The following AK4 variants were observed in gnomAD, a reference collection of about 807,000 sequenced individuals.
The protein encoded by AK4 is adenylate kinase 4, mitochondrial.
In AK4, 13 loss-of-function variants were observed where a neutral mutation model predicts 24.6. The ratio of observed to expected loss-of-function variants is 0.53; its 90% CI spans 0.34 to 0.84. The LOEUF is 0.84. Among genes scored for constraint, AK4 ranks in the 40% least tolerant of loss-of-function variants. The pLI is 0.01. For missense variants in AK4, 192 were observed against 288.2 expected (o/e 0.67, Z 2.42); for synonymous variants, 88 against 107.0 (o/e 0.82, Z 1.10).
At chr1:65,170,398 A>G (rs115733679) in intron 1 of AK4, among the ~76,000 whole-genome samples, 1,561 of 152,208 alleles carry the variant, frequency 0.01, 22 homozygotes, top group African/African-American at 0.036. Context: ...AAAAAAAATC[A>G]GTTTTAAGGT....
intron 2 of AK4, among the ~76,000 whole-genome samples, chr1:65,196,830 A>G (rs2101049905): frequency 6.6e-6 from 1 of 152,206 alleles, no homozygotes; most frequent in African/African-American, 2.4e-5. Flanking sequence ...ATAAAGACAT[A>G]CCCGAGACTG....
chr1:65,171,206 T>G (rs1383789291), intron 1 of AK4, among the ~76,000 whole-genome samples: 1 of 148,964 alleles, frequency 6.7e-6, no homozygotes, highest in Non-Finnish European at 1.5e-5. Flanking sequence ...AGCAATCTGC[T>G]TGCCTCAACC....
chr1:65,227,463 A>G lies in AK4; in HGVS notation c.*1286A>G, dbSNP rs1652501330. The G allele has an allele frequency of 6.6e-6, 1 of 152,416 alleles. No homozygotes were observed. Among genetic ancestry groups the G allele is most frequent in the South Asian group, 2.1e-4 (1 of 4,822 alleles). The allele number at this position is 152,416 out of a possible 1,614,324, so 9.4% of individuals were successfully genotyped here. A position where few individuals can be genotyped will look rare whatever the true frequency, so the allele number is the denominator to read the frequency against. Reference sequence around the variant, plus strand: ...ATTAGATACTAATATTTTGTCATTCATTATAACATATCAATAAACCATTTG... The same window carrying G: ...ATTAGATACTAATATTTTGTCATTCGTTATAACATATCAATAAACCATTTG... On this transcript the variant is annotated 3_prime_UTR_variant, in exon 5 of 5. Coordinates refer to ENST00000327299, the MANE Select transcript of AK4 (RefSeq NM_013410.4).
intron 3 of AK4, among the ~76,000 whole-genome samples, chr1:65,219,306 CTT>C (rs1652227306): frequency 6.6e-6 from 1 of 151,926 alleles, no homozygotes; most frequent in Non-Finnish European, 1.5e-5. Flanking sequence ...TTACTAGCCT[CTT>C]TTTAAAGCAA....
At chr1:65,168,824 A>G (rs908378076) in intron 1 of AK4, among the ~76,000 whole-genome samples, 2 of 152,190 alleles carry the variant, frequency 1.3e-5, no homozygotes, top group African/African-American at 4.8e-5. Flanking sequence ...GCTGAAGAAT[A>G]AGATGGCTAT....
At chr1:65,176,736 A>G (rs1048222246) in intron 1 of AK4, among the ~76,000 whole-genome samples, 12 of 152,124 alleles carry the variant, frequency 7.9e-5, no homozygotes, top group African/African-American at 2.9e-4. Context: ...TGAGGCCACG[A>G]TAAGTGAAAT....
chr1:65,194,881 T>C (rs914270863), intron 2 of AK4, among the ~76,000 whole-genome samples: 1 of 152,200 alleles, frequency 6.6e-6, no homozygotes, highest in Admixed American at 6.5e-5. Context: ...TACTAGCCGC[T>C]TCCTCCAAAT....
At chr1:65,161,758 A>G (rs1445531563) in intron 1 of AK4, among the ~76,000 whole-genome samples, 3 of 152,072 alleles carry the variant, frequency 2.0e-5, no homozygotes, top group Non-Finnish European at 4.4e-5. Context: ...ACGAGAGGAG[A>G]GGAGACAGAA....
chr1:65,181,851 C>G (rs1650920511), intron 1 of AK4, among the ~76,000 whole-genome samples: 1 of 152,188 alleles, frequency 6.6e-6, no homozygotes, highest in African/African-American at 2.4e-5. Flanking sequence ...TGCCCCCTCC[C>G]TTTGTGGTTT....
chr1:65,228,819 C>A lies in AK4; in HGVS notation c.*2642C>A, dbSNP rs1291881968. On this transcript the variant is annotated 3_prime_UTR_variant, in exon 5 of 5. Transcript: ENST00000327299. ...TAAGATGCCAACCTGACCTCGCATT[C>A]TGTCATTCTACCCAGCTCTTAATTC... 6.6e-6 allele frequency: 1 copy of A among 151,786 alleles called. No individual in the cohort carries two copies. Among genetic ancestry groups the A allele is most frequent in the Non-Finnish European group, 1.5e-5 (1 of 67,976 alleles). 9.4% of individuals were successfully genotyped at this position (151,786 alleles called of 1,614,324 possible). A position where few individuals can be genotyped will look rare whatever the true frequency, so the allele number is the denominator to read the frequency against.
At chr1:65,182,149 G>A (rs1036818316) in intron 1 of AK4, among the ~76,000 whole-genome samples, 13 of 152,162 alleles carry the variant, frequency 8.5e-5, no homozygotes, top group Admixed American at 7.9e-4. Context: ...TCAAACTCCT[G>A]GCCTCAAGGG....
In AK4 at chr1:65,231,704, G is replaced by A. The variant is rs1441266977; in HGVS notation, c.*5527G>A. The A allele has an allele frequency of 6.6e-6, 1 of 152,174 alleles. No individual in the cohort carries two copies. Among genetic ancestry groups the A allele is most frequent in the Admixed American group, 6.6e-5 (1 of 15,264 alleles). The allele number at this position is 152,174 out of a possible 1,614,324, so 9.4% of individuals were successfully genotyped here. On this transcript the variant is annotated 3_prime_UTR_variant, in exon 5 of 5. Transcript: ENST00000327299. ...AACTCAGTCTTTATGTAAGCTCCAAGGATATTAGGGCTTAAAGGGCTTTTC... is the reference window on the plus strand; with the variant it reads ...AACTCAGTCTTTATGTAAGCTCCAAAGATATTAGGGCTTAAAGGGCTTTTC...
chr1:65,225,983 G>C, intron 4 of AK4, 80 bp from the exon 5 acceptor site: 2 of 1,456,618 alleles, frequency 1.4e-6, no homozygotes, highest in Non-Finnish European at 1.9e-6. Flanking sequence ...GATCATGCTT[G>C]TTTTATATCT....
At chr1:65,182,267 A>T (rs1650935393) in intron 1 of AK4, among the ~76,000 whole-genome samples, 1 of 152,118 alleles carries the variant, frequency 6.6e-6, no homozygotes, top group African/African-American at 2.4e-5. Flanking sequence ...GGTACCTGGT[A>T]CATAGACTTG....
rs1652510217 is a variant in AK4 at position 65,227,745 on chromosome 1, GT to G, written c.*1569del. ...AACACATTACTTACTTTCTGAAGATGTCCCAGTGAATCCTCTGTCAATTCAC... is the reference window on the plus strand; with the variant it reads ...AACACATTACTTACTTTCTGAAGATGCCCAGTGAATCCTCTGTCAATTCAC... On this transcript the variant is annotated 3_prime_UTR_variant, in exon 5 of 5. Coordinates refer to ENST00000327299, the MANE Select transcript of AK4 (RefSeq NM_013410.4). The G allele has an allele frequency of 6.8e-6, 1 of 147,266 alleles. No homozygotes were observed. The highest frequency in any genetic ancestry group is 1.5e-5 in the Non-Finnish European group (1 of 67,160). 9.1% of individuals were successfully genotyped at this position (147,266 alleles called of 1,614,324 possible). A position where few individuals can be genotyped will look rare whatever the true frequency, so the allele number is the denominator to read the frequency against.
rs949970059 is a variant in AK4 at position 65,152,053 on chromosome 1, G to C, written c.145+3501G>C. 2.7e-5 allele frequency among the ~76,000 whole-genome samples: 4 copies of C among 150,876 alleles called. No individual in the cohort carries two copies. The East Asian group carries it at 7.8e-4, about 29-fold the overall frequency. ...ATGTATGAGTATACACACACACACA[G>C]GGACTGGCACTCTATTGAGTGAGTC... On this transcript the variant is annotated intron_variant, in intron 1 of 4. Coordinates refer to ENST00000327299, the MANE Select transcript of AK4 (RefSeq NM_013410.4).
At chr1:65,205,926 G>A (rs916780250) in intron 2 of AK4, among the ~76,000 whole-genome samples, 8 of 152,198 alleles carry the variant, frequency 5.3e-5, no homozygotes, top group Admixed American at 2.0e-4. Flanking sequence ...TTTTCAACCT[G>A]TATGTGCCAT....
intron 2 of AK4, among the ~76,000 whole-genome samples, chr1:65,195,092 G>A (rs911904451): frequency 1.3e-5 from 2 of 152,136 alleles, no homozygotes; most frequent in Non-Finnish European, 2.9e-5. Context: ...AGAGTAAGAC[G>A]ATGGTTCTCA....
upstream of AK4, chr1:65,148,186 G>A: frequency 2.1e-6 from 2 of 942,856 alleles, no homozygotes; most frequent in Admixed American, 3.1e-5. Context: ...AGGGCGGGGA[G>A]GTGTAGCGTG....
Sources: allele counts gnomAD v4.1 joint callset (sites outside exome capture counted in the v4.1 genomes callset), GRCh38; gene constraint gnomAD v4.1.1; transcripts MANE v1.5; gene names NCBI Gene and HGNC (gene_info 2026-07-23, HGNC 2026-07-21).